Variants in POLR1A observed in about 807,000 individuals in gnomAD.
POLR1A encodes the protein DNA-directed RNA polymerase I subunit RPA1.
In POLR1A, 84 loss-of-function variants were observed where a neutral mutation model predicts 205.3. The ratio of observed to expected loss-of-function variants is 0.41; its 90% CI spans 0.34 to 0.49. The LOEUF (loss-of-function observed/expected upper bound fraction) is 0.49. POLR1A is among the 20% of genes least tolerant of loss of function. POLR1A has a pLI of 0.22. For synonymous variants in POLR1A, 799 were observed against 863.7 expected, an observed-to-expected ratio of 0.93 and a Z score of 1.31; for missense variants, 1,645 against 2,204.5, an observed-to-expected ratio of 0.75 and a Z score of 5.08.
rs1419434662 is a variant in POLR1A, at chr2:86,040,476, A to G, written c.3656T>C (p.Ile1219Thr). The change falls in exon 25 of 34, where the codon ATC (isoleucine) becomes ACC (threonine). Residue 1219 changes from isoleucine (I) to threonine (T), a missense_variant. By Grantham distance (89) the Ile-to-Thr change is moderately conservative. This residue lies in a region of POLR1A where 13 missense variants were observed against 55.1 expected (regional missense o/e 0.24). Transcript: ENST00000263857. ...GGTCATCTGGGTGGAGGGCTCTCCG[A>G]TGCTCTGGGCAGCCAGCAGGCCCAC... ...EAVGLLAAQS[I>T]GEPSTQMTLN... 2 of 1,613,436 alleles carry G rather than the reference A, an allele frequency of 1.2e-6. No homozygotes were observed. Among genetic ancestry groups the G allele is most frequent in the East Asian group, 4.5e-5 (2 of 44,870 alleles).
In POLR1A at chr2:86,025,647, GCTCCTT is replaced by G. The variant is rs1260550995; in HGVS notation, c.*1770_*1775del. ...ACAGCCCTGCCAATATGCAGGGCTTGCTCCTTCGCCTCTGCGCCCTCAGTGCCTGGG... is the reference window on the plus strand; with the variant it reads ...ACAGCCCTGCCAATATGCAGGGCTTGCGCCTCTGCGCCCTCAGTGCCTGGG... On this transcript the variant is annotated 3_prime_UTR_variant, in exon 34 of 34. Transcript: ENST00000263857. 4 of 152,310 alleles carry G rather than the reference GCTCCTT, an allele frequency of 2.6e-5. No homozygotes were observed. The highest frequency in any genetic ancestry group is 1.5e-5 in the Non-Finnish European group (1 of 68,072). The allele number at this position is 152,310 out of a possible 1,614,324, so 9.4% of individuals were successfully genotyped here. A position where few individuals can be genotyped will look rare whatever the true frequency, so the allele number is the denominator to read the frequency against.
intron 27 of POLR1A, among the ~76,000 whole-genome samples, chr2:86,034,100 T>C (rs1352794404): frequency 6.6e-6 from 1 of 152,246 alleles, no homozygotes; most frequent in East Asian, 1.9e-4. Flanking sequence ...TACTACGTAT[T>C]CTGCAATCTT....
At chr2:86,078,010 C>T (rs1673325490) in intron 10 of POLR1A, 29 bp from the exon 11 acceptor site, 5 of 1,613,840 alleles carry the variant, frequency 3.1e-6, no homozygotes, top group South Asian at 1.1e-5. Context: ...TCATAAAAAA[C>T]ATTCAACAAG....
chr2:86,092,913 T>G (rs970192326), intron 3 of POLR1A, among the ~76,000 whole-genome samples: 1 of 151,886 alleles, frequency 6.6e-6, no homozygotes, highest in African/African-American at 2.4e-5. Flanking sequence ...AGAAAGGAAA[T>G]GTAAACCAAT....
chr2:86,099,958 C>T lies in POLR1A; in HGVS notation c.282+10G>A, dbSNP rs1673782251. 6.2e-7 allele frequency: 1 copy of T among 1,611,282 alleles called. No homozygotes were observed. Among genetic ancestry groups the T allele is most frequent in the Non-Finnish European group, 8.5e-7 (1 of 1,177,672 alleles). ...AGCCCGGAGACCCACACAACTAAGG[C>T]AGCACTTACATCGAAGAGGAGAGGG... On this transcript the variant is annotated intron_variant, in intron 2 of 33. Transcript: ENST00000263857.
rs189606479 is a variant in POLR1A at position 86,077,366 on chromosome 2, T to C, written c.1380+493A>G. ...GAAGCGAAACAGGACCTGGGCAACA[T>C]GCACACGCCTCTCTCCGGGACTCAC... is the stretch of plus-strand genomic sequence containing the variant. On this transcript the variant is annotated intron_variant, in intron 11 of 33. Coordinates refer to ENST00000263857, the MANE Select transcript of POLR1A (RefSeq NM_015425.6). Among the ~76,000 whole-genome samples, 495 of 152,208 alleles carry C rather than the reference T, an allele frequency of 3.3e-3. 1 individual carries two copies. Among genetic ancestry groups the C allele is most frequent in the Non-Finnish European group, 4.2e-3 (285 of 68,006 alleles).
At chr2:86,103,454 A>G (rs1449916778) in intron 1 of POLR1A, among the ~76,000 whole-genome samples, 1 of 152,234 alleles carries the variant, frequency 6.6e-6, no homozygotes, top group Admixed American at 6.5e-5. Context: ...TGAGATGGGA[A>G]GCTATTAGAA....
chr2:86,097,242 A>T (rs916908771), intron 3 of POLR1A, among the ~76,000 whole-genome samples: 1 of 137,464 alleles, frequency 7.3e-6, no homozygotes. Flanking sequence ...AAAAAAAAAA[A>T]GCAAATGCTG....
chr2:86,054,104 T>C (rs1204742256), intron 15 of POLR1A, 36 bp downstream of exon 15: 6 of 1,608,878 alleles, frequency 3.7e-6, no homozygotes, highest in South Asian at 1.1e-5. Flanking sequence ...ACCCCGGCAC[T>C]AGAAGTCTCC....
chr2:86,068,392 G>GC lies in POLR1A; in HGVS notation c.1866+1625_1866+1626insG, dbSNP rs199513281. Among the ~76,000 whole-genome samples, 41 of 114,888 alleles carry GC rather than the reference G, an allele frequency of 3.6e-4. 7 individuals are homozygous for GC. In the East Asian group the frequency reaches 6.5e-3, roughly 18 times the overall value. 75.4% of individuals were successfully genotyped at this position (114,888 alleles called of 152,430 possible). Reference sequence around the variant, plus strand: ...GCACAGCCAAGCACATGGGCGGGGGGGGGGGGCGGGTGTCGTCCAAAGCTG... The same window carrying GC: ...GCACAGCCAAGCACATGGGCGGGGGGCGGGGGGCGGGTGTCGTCCAAAGCTG... On this transcript the variant is annotated intron_variant, in intron 13 of 33. Transcript: ENST00000263857.
intron 26 of POLR1A, 145 bp downstream of exon 26, chr2:86,039,182 A>C: frequency 1.1e-6 from 1 of 871,242 alleles, no homozygotes; most frequent in East Asian, 2.4e-5. Context: ...ATCTCTGCTC[A>C]GCACCTGGCA....
intron 13 of POLR1A, chr2:86,065,762 A>C: frequency 3.3e-6 from 1 of 300,702 alleles, no homozygotes; most frequent in Non-Finnish European, 6.1e-6. Flanking sequence ...GGTTCTAGTT[A>C]CTCCAGCATA....
At chr2:86,097,214 CAAAAAAAA>C (rs757210116) in intron 3 of POLR1A, among the ~76,000 whole-genome samples, 30 of 39,694 alleles carry the variant, frequency 7.6e-4, no homozygotes, top group African/African-American at 2.1e-3. Context: ...CCCCAAAAGA[CAAAAAAAA>C]AAAAAAAAAA....
chr2:86,086,266 G>T (rs919614769), intron 6 of POLR1A, among the ~76,000 whole-genome samples: 5 of 151,882 alleles, frequency 3.3e-5, no homozygotes, highest in Non-Finnish European at 7.4e-5. Context: ...CACCATGTTG[G>T]TCAGGCTGGT....
At chr2:86,100,244 A>G (rs1182834485) in intron 1 of POLR1A, 72 bp from the exon 2 acceptor site, 1 of 1,157,632 alleles carries the variant, frequency 8.6e-7, no homozygotes, top group Non-Finnish European at 1.3e-6. Context: ...TCCAGCACAA[A>G]CCTATAGTTA....
chr2:86,064,160 G>A lies in POLR1A; in HGVS notation c.2058+1114C>T, dbSNP rs191724960. ...TTAGTGTGTCTCTAAAGGTTGGTACGGGCTTTTTTTTTGCCAACAGGTGAA... is the reference window on the plus strand; with the variant it reads ...TTAGTGTGTCTCTAAAGGTTGGTACAGGCTTTTTTTTTGCCAACAGGTGAA... On this transcript the variant is annotated intron_variant, in intron 14 of 33. Coordinates refer to ENST00000263857, the MANE Select transcript of POLR1A (RefSeq NM_015425.6). 1.1e-4 allele frequency among the ~76,000 whole-genome samples: 16 copies of A among 152,210 alleles called. 1 individual carries two copies. The highest frequency in any genetic ancestry group is 6.8e-3 in the Middle Eastern group (2 of 294).
Position 86,084,454 on chromosome 2 carries a change from C to A in POLR1A, c.731-1286G>T, listed in dbSNP as rs556316099. 6.6e-5 allele frequency among the ~76,000 whole-genome samples: 10 copies of A among 151,728 alleles called. 1 individual carries two copies. The South Asian group carries it at 2.1e-3, about 32-fold the overall frequency. On this transcript the variant is annotated intron_variant, in intron 6 of 33. Transcript: ENST00000263857. ...ACAAAACAAAACAAAACAAAAACCC[C>A]AAAAAGCTTTTCTGGATACATCCAC... is the stretch of plus-strand genomic sequence containing the variant.
intron 27 of POLR1A, chr2:86,037,199 C>CAGACAACTCGA (rs1672516215): frequency 6.6e-6 from 1 of 152,340 alleles, no homozygotes. Context: ...GCCACTCTGC[C>CAGACAACTCGA]CAGTGCCCAG....
intron 2 of POLR1A, among the ~76,000 whole-genome samples, chr2:86,099,514 G>A (rs1673773942): frequency 6.6e-6 from 1 of 152,004 alleles, no homozygotes; most frequent in East Asian, 1.9e-4. Context: ...CTAAACAGGA[G>A]CTTCATTCTG....
Sources: gnomAD v4.1 joint callset for allele counts (sites outside exome capture counted in the v4.1 genomes callset) on GRCh38, gnomAD v4.1.1 for gene constraint, gnomAD v4.1.1 regional missense constraint, MANE v1.5 for transcripts, NCBI Gene and HGNC (gene_info 2026-07-23, HGNC 2026-07-21) for gene names.